Variants in ADNP2 observed in about 807,000 individuals in gnomAD.
ADNP2 encodes activity-dependent neuroprotector homeobox protein 2.
In ADNP2, 8 loss-of-function variants were observed where a neutral mutation model predicts 16.4. The ratio of observed to expected loss-of-function variants is 0.49; its 90% CI spans 0.29 to 0.88. The LOEUF (loss-of-function observed/expected upper bound fraction) is 0.88, where lower values mean the gene tolerates loss of function less well. ADNP2 is among the 40% of genes least tolerant of loss of function. ADNP2 has a pLI of 0.09. For missense variants in ADNP2, 1,397 were observed against 1,395.1 expected (o/e 1.00, Z -0.02); for synonymous variants, 637 against 545.8 (o/e 1.17, Z -2.33).
rs989607760 is a variant in ADNP2 at position 80,109,303 on chromosome 18, G to A, written c.-183G>A. On this transcript the variant is annotated 5_prime_UTR_variant, in exon 1 of 4. Transcript: ENST00000262198. Reference sequence around the variant, plus strand: ...CTCTTTCTGGCTGCGCGGGAGGAGGGGACCAGTCGCGCTGGGGGTGGGCGC... The same window carrying A: ...CTCTTTCTGGCTGCGCGGGAGGAGGAGACCAGTCGCGCTGGGGGTGGGCGC... 5 of 151,536 alleles carry A rather than the reference G, an allele frequency of 3.3e-5. No individual in the cohort carries two copies. Among genetic ancestry groups the A allele is most frequent in the African/African-American group, 9.7e-5 (4 of 41,374 alleles). The allele number at this position is 151,536 out of a possible 1,614,324, so 9.4% of individuals were successfully genotyped here.
Position 80,117,660 on chromosome 18 carries a change from C to T in ADNP2, c.108+10C>T, listed in dbSNP as rs372883620. On this transcript the variant is annotated intron_variant, in intron 2 of 3. Coordinates refer to ENST00000262198, the MANE Select transcript of ADNP2 (RefSeq NM_014913.4). ...CAAGGAGTTACTGAAGGTAAGAGGACGTAAGTAGCCAACTGGAATCTGGAG... is the reference window on the plus strand; with the variant it reads ...CAAGGAGTTACTGAAGGTAAGAGGATGTAAGTAGCCAACTGGAATCTGGAG... 129 of 1,583,514 alleles carry T rather than the reference C, an allele frequency of 8.1e-5. No individual in the cohort carries two copies. The highest frequency in any genetic ancestry group is 1.0e-4 in the Non-Finnish European group (120 of 1,164,402).
Position 80,135,666 on chromosome 18 carries a change from C to CT in ADNP2, c.255dup (p.Thr86TyrfsTer12). 6.2e-7 allele frequency: 1 copy of CT among 1,614,184 alleles called. No individual in the cohort carries two copies. Among genetic ancestry groups the CT allele is most frequent in the Non-Finnish European group, 8.5e-7 (1 of 1,180,026 alleles). On this transcript the variant is annotated frameshift_variant, in exon 4 of 4. Transcript: ENST00000262198. LOFTEE classifies it low-confidence loss of function (END_TRUNC). ...CCTCTGTAAATACTCTACAAAGGTG[C>CT]TTACTTCATTCAAGAATCATTTACA...
chr18:80,138,669 G>T lies in ADNP2; in HGVS notation c.3256G>T (p.Asp1086Tyr). The T allele has an allele frequency of 1.2e-6, 2 of 1,612,472 alleles. No homozygotes were observed. The highest frequency in any genetic ancestry group is 1.7e-6 in the Non-Finnish European group (2 of 1,179,680). Residue 1086 changes from aspartate (D) to tyrosine (Y), a missense_variant, in exon 4 of 4, where the codon GAT becomes TAT. Coordinates refer to ENST00000262198, the MANE Select transcript of ADNP2 (RefSeq NM_014913.4). The stretch of plus-strand genomic sequence containing the variant: ...CTCACTCTTTTGGGTGTGGAAAATT[G>T]ATGTGGCTTCATTTTTTGGAAAAAG... The part of the protein sequence containing the change: ...LSSLFWVWKI[D>Y]VASFFGKRRY...
chr18:80,128,698 G>A (rs2052476224), intron 2 of ADNP2, among the ~76,000 whole-genome samples: 1 of 152,078 alleles, frequency 6.6e-6, no homozygotes, highest in African/African-American at 2.4e-5. Context: ...GTAATAACTT[G>A]TCTTTTTCTT....
intron 3 of ADNP2, chr18:80,133,827 T>C (rs1361803699): frequency 6.8e-6 from 1 of 147,870 alleles, no homozygotes; most frequent in Admixed American, 6.7e-5. Flanking sequence ...AATTAGTCGT[T>C]GTCAGAATTT....
intron 1 of ADNP2, among the ~76,000 whole-genome samples, chr18:80,113,266 C>T (rs1275879655): frequency 6.6e-6 from 1 of 152,158 alleles, no homozygotes; most frequent in Non-Finnish European, 1.5e-5. Context: ...CCTTAAATCT[C>T]TCCTTTTGCT....
At chr18:80,133,667 T>G (rs2043635305) in intron 3 of ADNP2, 1 of 163,222 alleles carries the variant, frequency 6.1e-6, no homozygotes, top group African/African-American at 2.4e-5. Flanking sequence ...TAAAGTGTTT[T>G]CTGGGACACC....
At chr18:80,112,577 A>G (rs1478941877) in intron 1 of ADNP2, among the ~76,000 whole-genome samples, 2 of 151,970 alleles carry the variant, frequency 1.3e-5, no homozygotes, top group East Asian at 1.9e-4. Flanking sequence ...AAAAGTTCCT[A>G]TTTTTCAAAT....
chr18:80,138,269 G>A lies in ADNP2; in HGVS notation c.2856G>A (p.Gln952=), dbSNP rs904959720. Residue 952 remains glutamine, a synonymous_variant, in exon 4 of 4, where the codon CAG becomes CAA. Transcript: ENST00000262198. Reference sequence around the variant, plus strand: ...ACAGCAGCTCAGACCTGCAGGCCCAGCCGGGTTTTATTCACAACAGTGAAC... The same window carrying A: ...ACAGCAGCTCAGACCTGCAGGCCCAACCGGGTTTTATTCACAACAGTGAAC... ...PKDSSSDLQA[Q]PGFIHNSELL... is the part of the protein sequence containing the mutation. 2 of 1,614,032 alleles carry A rather than the reference G, an allele frequency of 1.2e-6. No homozygotes were observed. The highest frequency in any genetic ancestry group is 1.7e-6 in the Non-Finnish European group (2 of 1,180,052).
At chr18:80,110,943 A>T (rs1025286742) in intron 1 of ADNP2, among the ~76,000 whole-genome samples, 15 of 152,304 alleles carry the variant, frequency 9.8e-5, no homozygotes, top group African/African-American at 3.6e-4. Context: ...CTATGCTAAG[A>T]TTTTTAGCTG....
chr18:80,139,360 A>G lies in ADNP2; in HGVS notation c.*551A>G, dbSNP rs1038908894. The G allele has an allele frequency of 1.3e-5, 2 of 151,266 alleles. No individual in the cohort carries two copies. The highest frequency in any genetic ancestry group is 6.6e-5 in the Admixed American group (1 of 15,148). The allele number at this position is 151,266 out of a possible 1,614,324, so 9.4% of individuals were successfully genotyped here. On this transcript the variant is annotated 3_prime_UTR_variant, in exon 4 of 4. Transcript: ENST00000262198. Reference sequence around the variant, plus strand: ...TTTGTAAGATCTTTGCTTATAGATTATAATTTAGATCTGTATTTTTTTAGG... The same window carrying G: ...TTTGTAAGATCTTTGCTTATAGATTGTAATTTAGATCTGTATTTTTTTAGG...
chr18:80,135,476 C>A, intron 3 of ADNP2, 136 bp from the exon 4 acceptor site: 1 of 931,230 alleles, frequency 1.1e-6, no homozygotes, highest in Non-Finnish European at 1.6e-6. Flanking sequence ...TTTGCCAACC[C>A]CTGGGTTAGA....
At chr18:80,113,479 T>C (rs2052370357) in intron 1 of ADNP2, among the ~76,000 whole-genome samples, 1 of 152,178 alleles carries the variant, frequency 6.6e-6, no homozygotes. Flanking sequence ...AAATTCAGAC[T>C]TTTCCTTCTT....
intron 2 of ADNP2, among the ~76,000 whole-genome samples, chr18:80,128,553 G>A (rs758996779): frequency 5.2e-4 from 79 of 152,298 alleles, no homozygotes; most frequent in Middle Eastern, 6.8e-3. Context: ...GGGAGGCTTA[G>A]GCAGGAGAAT....
At position 80,137,147 on chromosome 18, in the gene ADNP2, G is replaced by A. The variant is rs769075534; in HGVS notation, c.1734G>A (p.Val578=). The A allele has an allele frequency of 6.2e-7, 1 of 1,614,202 alleles. No individual in the cohort carries two copies. Among genetic ancestry groups the A allele is most frequent in the Admixed American group, 1.7e-5 (1 of 60,026 alleles). ...CTGTGGGCACCAACATTCTGCCTGT[G>A]AATCAGCCAGTGAGACCTGGTGCTT... The part of the protein sequence containing the change: ...NQTVGTNILP[V]NQPVRPGASQ... The change falls in exon 4 of 4, where the codon GTG becomes GTA. Residue 578 remains valine, a synonymous_variant. Coordinates refer to ENST00000262198, the MANE Select transcript of ADNP2 (RefSeq NM_014913.4). This position sits in a 1 kb window ranked among gnomAD's most constrained non-coding sequence, Gnocchi z 4.2.
At chr18:80,120,948 A>G (rs1334724904) in intron 2 of ADNP2, among the ~76,000 whole-genome samples, 1 of 152,216 alleles carries the variant, frequency 6.6e-6, no homozygotes, top group East Asian at 1.9e-4. Context: ...ACATTGGTGC[A>G]CAAGTATTTG....
At chr18:80,117,782 A>G (rs2052399035) in intron 2 of ADNP2, 132 bp downstream of exon 2, 13 of 635,018 alleles carry the variant, frequency 2.0e-5, no homozygotes, top group Non-Finnish European at 3.5e-5. Context: ...CCTCATTAGT[A>G]CTTATTTATG....
At chr18:80,124,768 G>A (rs1272619256) in intron 2 of ADNP2, among the ~76,000 whole-genome samples, 1 of 152,188 alleles carries the variant, frequency 6.6e-6, no homozygotes, top group Non-Finnish European at 1.5e-5. Context: ...CCAACCACCA[G>A]TCATCTCATT....
chr18:80,138,497 A>G lies in ADNP2; in HGVS notation c.3084A>G (p.Gly1028=). The change falls in exon 4 of 4, where the codon GGA becomes GGG. Residue 1028 remains glycine, a synonymous_variant. Coordinates refer to ENST00000262198, the MANE Select transcript of ADNP2 (RefSeq NM_014913.4). ...KRQRNESRTE[G]PIVKDEALQI... is the part of the protein sequence containing the mutation. ...AAAGGAATGAAAGCAGAACAGAGGG[A>G]CCTATTGTCAAGGACGAGGCTCTTC... 1 of 1,614,192 alleles carries G rather than the reference A, an allele frequency of 6.2e-7. No individual in the cohort carries two copies. Among genetic ancestry groups the G allele is most frequent in the African/African-American group, 1.3e-5 (1 of 75,064 alleles).
Sources: allele counts gnomAD v4.1 joint callset (sites outside exome capture counted in the v4.1 genomes callset), GRCh38; gene constraint gnomAD v4.1.1; non-coding constraint Gnocchi (gnomAD v3.1); transcripts MANE v1.5; gene names NCBI Gene and HGNC (gene_info 2026-07-23, HGNC 2026-07-21).